LEKR1: variants seen among roughly 807,000 people sequenced by gnomAD.
The protein encoded by LEKR1 is leucine, glutamate and lysine rich 1.
In LEKR1, 59 loss-of-function variants were observed where a neutral mutation model predicts 72.4. The ratio of observed to expected loss-of-function variants is 0.82; its 90% confidence interval spans 0.66 to 1.01. The LOEUF (loss-of-function observed/expected upper bound fraction) is 1.01, where lower values mean the gene tolerates loss of function less well. LEKR1 is among the 50% of genes least tolerant of loss of function. The probability of loss-of-function intolerance (pLI) is 0.00; values close to 1 mark genes in which losing one functional copy is unlikely to be tolerated. For synonymous variants in LEKR1, 257 were observed against 263.2 expected (o/e 0.98, Z 0.23); for missense variants, 728 against 759.2 (o/e 0.96, Z 0.48).
chr3:156,971,898 G>A (rs1031110269), intron 6 of LEKR1, among the ~76,000 whole-genome samples: 1 of 152,162 alleles, frequency 6.6e-6, no homozygotes, highest in Admixed American at 6.5e-5. Flanking sequence ...TGGTGGGAGT[G>A]TAAACTAGTT....
At chr3:156,924,432 A>G in intron 4 of LEKR1, 1 of 599,370 alleles carries the variant, frequency 1.7e-6, no homozygotes, top group Admixed American at 2.7e-5. Flanking sequence ...TATTTTCTTA[A>G]TAATGTCTTT....
At chr3:157,022,413 C>G (rs1265921555) in intron 10 of LEKR1, among the ~76,000 whole-genome samples, 1 of 151,964 alleles carries the variant, frequency 6.6e-6, no homozygotes, top group African/African-American at 2.4e-5. Context: ...TGATGGTGGC[C>G]AGAACTAGGT....
intron 3 of LEKR1, among the ~76,000 whole-genome samples, chr3:156,874,372 G>A (rs1718315154): frequency 3.3e-5 from 5 of 151,704 alleles, no homozygotes; most frequent in Admixed American, 3.3e-4. Flanking sequence ...TGTTTCATAT[G>A]CTTATCAGTC....
At chr3:156,848,148 G>T (rs1714859282) in intron 2 of LEKR1, among the ~76,000 whole-genome samples, 1 of 152,106 alleles carries the variant, frequency 6.6e-6, no homozygotes, top group Non-Finnish European at 1.5e-5. Context: ...ATGCAAGATG[G>T]GCAAAAATTT....
At chr3:156,853,620 T>G (rs1339193921) in intron 3 of LEKR1, among the ~76,000 whole-genome samples, 1 of 152,138 alleles carries the variant, frequency 6.6e-6, no homozygotes, top group African/African-American at 2.4e-5. Flanking sequence ...ATGAATTTAA[T>G]GAATAAATTT....
chr3:156,959,149 C>T lies in LEKR1; in HGVS notation c.745+16435C>T, dbSNP rs77249699. On this transcript the variant is annotated intron_variant, in intron 6 of 12. Coordinates refer to ENST00000356539, the MANE Select transcript of LEKR1 (RefSeq NM_001004316.3). ...AAAACCAATACATTACAGTGAATAT[C>T]TTCTCCCCAGATAAATCATCAGGTT... 2.1e-3 allele frequency among the ~76,000 whole-genome samples: 319 copies of T among 152,208 alleles called. 2 individuals carry two copies. The highest frequency in any genetic ancestry group is 3.8e-3 in the Non-Finnish European group (255 of 67,990).
chr3:157,019,773 C>T (rs751289028), intron 10 of LEKR1, among the ~76,000 whole-genome samples: 1 of 152,170 alleles, frequency 6.6e-6, no homozygotes, highest in African/African-American at 2.4e-5. Flanking sequence ...AATGCACCTA[C>T]TGAAAGGCAA....
intron 9 of LEKR1, among the ~76,000 whole-genome samples, chr3:157,001,905 T>A (rs6769719): frequency 0.74 from 111,785 of 152,006 alleles, 41,556 homozygotes; most frequent in East Asian, 0.93. Flanking sequence ...CATAGTCAGC[T>A]CTCAATATTT....
chr3:156,916,807 TGA>T (rs1560077872), intron 3 of LEKR1, among the ~76,000 whole-genome samples: 3 of 152,270 alleles, frequency 2.0e-5, no homozygotes, highest in Admixed American at 2.0e-4. Context: ...ATAAGAGTAA[TGA>T]GAGAGGGCAT....
chr3:156,982,651 A>G (rs1730299456), intron 7 of LEKR1, among the ~76,000 whole-genome samples: 1 of 152,190 alleles, frequency 6.6e-6, no homozygotes, highest in African/African-American at 2.4e-5. Context: ...GTAGAGCTTT[A>G]ATGATGCTCT....
chr3:157,030,713 C>A (rs906865081), intron 12 of LEKR1, among the ~76,000 whole-genome samples: 1 of 152,146 alleles, frequency 6.6e-6, no homozygotes, highest in African/African-American at 2.4e-5. Context: ...GGCTCAAGTT[C>A]TCTCATGAGG....
chr3:156,883,314 T>A (rs1576736335), intron 3 of LEKR1, among the ~76,000 whole-genome samples: 1 of 152,210 alleles, frequency 6.6e-6, no homozygotes, highest in Non-Finnish European at 1.5e-5. Flanking sequence ...AGGAAGTAAC[T>A]AACTTGCTTT....
At chr3:157,042,138 T>C (rs2108048368) in intron 12 of LEKR1, among the ~76,000 whole-genome samples, 1 of 151,932 alleles carries the variant, frequency 6.6e-6, no homozygotes, top group South Asian at 2.1e-4. Flanking sequence ...TGGCAGATGA[T>C]ATGAAGATAT....
At chr3:156,880,344 A>G (rs879698223) in intron 3 of LEKR1, among the ~76,000 whole-genome samples, 5 of 152,194 alleles carry the variant, frequency 3.3e-5, no homozygotes, top group Non-Finnish European at 7.3e-5. Context: ...CAGAAATACA[A>G]ACTACCATCA....
chr3:156,953,252 C>A (rs1183648789), intron 6 of LEKR1, among the ~76,000 whole-genome samples: 1 of 151,356 alleles, frequency 6.6e-6, no homozygotes, highest in Non-Finnish European at 1.5e-5. Context: ...ATCACTCCCC[C>A]CAACACACAG....
intron 3 of LEKR1, among the ~76,000 whole-genome samples, chr3:156,886,109 C>A (rs1020879706): frequency 6.6e-6 from 1 of 152,070 alleles, no homozygotes; most frequent in Non-Finnish European, 1.5e-5. Context: ...TGGGTTCAGA[C>A]TCTTCATGGG....
intron 2 of LEKR1, among the ~76,000 whole-genome samples, chr3:156,851,780 G>T (rs1182679370): frequency 6.6e-6 from 1 of 151,992 alleles, no homozygotes; most frequent in East Asian, 1.9e-4. Context: ...TTCAAGGGAG[G>T]TTACTTTAAG....
chr3:156,911,390 A>G (rs1343621005), intron 3 of LEKR1, among the ~76,000 whole-genome samples: 1 of 152,106 alleles, frequency 6.6e-6, no homozygotes, highest in Non-Finnish European at 1.5e-5. Context: ...AATTCCTTAT[A>G]GATTCTGGAT....
At chr3:156,849,899 T>C (rs1198888117) in intron 2 of LEKR1, among the ~76,000 whole-genome samples, 1 of 151,946 alleles carries the variant, frequency 6.6e-6, no homozygotes, top group African/African-American at 2.4e-5. Context: ...AAAGACAAAA[T>C]TGACAAATGG....
Sources: allele counts gnomAD v4.1 joint callset (sites outside exome capture counted in the v4.1 genomes callset), GRCh38; gene constraint gnomAD v4.1.1; transcripts MANE v1.5; gene names NCBI Gene and HGNC (gene_info 2026-07-23, HGNC 2026-07-21).